PKIG: variants seen among roughly 807,000 people sequenced by gnomAD.
PKIG encodes cAMP-dependent protein kinase inhibitor gamma.
In PKIG, 1 loss-of-function variant was observed where a neutral mutation model predicts 6.8. The ratio of observed to expected loss-of-function variants is 0.15; its 90% confidence interval spans 0.05 to 0.69. PKIG has a LOEUF of 0.69. Among genes scored for constraint, PKIG ranks in the 30% least tolerant of loss-of-function variants. The pLI is 0.82. For synonymous variants in PKIG, 39 were observed against 43.0 expected (o/e 0.91, Z 0.36); for missense variants, 77 against 104.0 (o/e 0.74, Z 1.13).
At chr20:44,618,217 T>C (rs1170963893) in intron 3 of PKIG, 68 bp from the exon 4 acceptor site, 3 of 1,057,668 alleles carry the variant, frequency 2.8e-6, no homozygotes, top group Non-Finnish European at 4.5e-6. Context: ...CTGGGCCCTT[T>C]CACACCTCCT....
intron 2 of PKIG, among the ~76,000 whole-genome samples, chr20:44,607,756 C>G (rs552207427): frequency 3.2e-4 from 49 of 150,776 alleles, no homozygotes; most frequent in African/African-American, 1.1e-3. Flanking sequence ...ACGATCTCGG[C>G]TCACTGCAAG....
intron 1 of PKIG, among the ~76,000 whole-genome samples, chr20:44,544,515 G>C (rs182419927): frequency 6.6e-6 from 1 of 152,290 alleles, no homozygotes; most frequent in African/African-American, 2.4e-5. Flanking sequence ...GTTTCACCAT[G>C]CTTATCACAC....
At chr20:44,532,256 C>T (rs992485976) in intron 1 of PKIG, among the ~76,000 whole-genome samples, 1 of 152,148 alleles carries the variant, frequency 6.6e-6, no homozygotes, top group African/African-American at 2.4e-5. Context: ...GTTTGGGGGC[C>T]AGAAAATAAC....
chr20:44,569,492 C>T (rs116617485), intron 1 of PKIG, among the ~76,000 whole-genome samples: 4,072 of 152,150 alleles, frequency 0.027, 198 homozygotes, highest in Admixed American at 0.14. Context: ...CTTCTGAAAG[C>T]GGTTTGTTTT....
intron 1 of PKIG, among the ~76,000 whole-genome samples, chr20:44,545,155 C>G (rs941196854): frequency 6.6e-6 from 1 of 151,908 alleles, no homozygotes; most frequent in African/African-American, 2.4e-5. Flanking sequence ...AGGCCAGTCT[C>G]GAACTCCTGA....
chr20:44,561,323 C>T (rs1028172402), intron 1 of PKIG, among the ~76,000 whole-genome samples: 1 of 151,600 alleles, frequency 6.6e-6, no homozygotes, highest in Admixed American at 6.6e-5. Context: ...GGTGACAGTG[C>T]GAGACTCCGT....
intron 1 of PKIG, among the ~76,000 whole-genome samples, chr20:44,588,506 C>G (rs535948506): frequency 6.6e-6 from 1 of 152,168 alleles, no homozygotes; most frequent in East Asian, 1.9e-4. Context: ...TAGCCGGGCG[C>G]GGTGGCACGC....
At chr20:44,606,168 A>G (rs1239913410) in intron 2 of PKIG, among the ~76,000 whole-genome samples, 1 of 152,196 alleles carries the variant, frequency 6.6e-6, no homozygotes, top group Non-Finnish European at 1.5e-5. Flanking sequence ...CTACAAATCA[A>G]TAAGAAAAAG....
At chr20:44,575,051 A>G (rs1004084336) in intron 1 of PKIG, among the ~76,000 whole-genome samples, 3 of 151,484 alleles carry the variant, frequency 2.0e-5, no homozygotes, top group African/African-American at 7.3e-5. Context: ...TTCTTGACTC[A>G]TCAGTTTTTT....
At chr20:44,601,801 T>A (rs2065123573) in intron 2 of PKIG, among the ~76,000 whole-genome samples, 2 of 152,240 alleles carry the variant, frequency 1.3e-5, no homozygotes, top group African/African-American at 4.8e-5. Context: ...GAAATGACCT[T>A]TCTAGTATAT....
chr20:44,557,071 G>A (rs531684399), intron 1 of PKIG, among the ~76,000 whole-genome samples: 37 of 152,092 alleles, frequency 2.4e-4, no homozygotes, highest in South Asian at 1.2e-3. Flanking sequence ...TATTAAGGTC[G>A]TATATAAATA....
chr20:44,556,024 A>G (rs1244430280), intron 1 of PKIG, among the ~76,000 whole-genome samples: 1 of 152,010 alleles, frequency 6.6e-6, no homozygotes, highest in Non-Finnish European at 1.5e-5. Flanking sequence ...TATTTTTAGT[A>G]GAGGCAGGGT....
intron 3 of PKIG, among the ~76,000 whole-genome samples, chr20:44,616,286 T>C (rs1270842522): frequency 6.6e-6 from 1 of 152,188 alleles, no homozygotes; most frequent in Non-Finnish European, 1.5e-5. Context: ...CTGAGCATAA[T>C]GGCCCTGCTC....
intron 1 of PKIG, among the ~76,000 whole-genome samples, chr20:44,563,214 A>T (rs184042091): frequency 6.6e-6 from 1 of 152,324 alleles, no homozygotes; most frequent in East Asian, 1.9e-4. Context: ...CCTGACAGTG[A>T]CATTATGAGA....
intron 1 of PKIG, among the ~76,000 whole-genome samples, chr20:44,566,734 T>G (rs751489405): frequency 1.1e-4 from 16 of 152,208 alleles, no homozygotes; most frequent in Non-Finnish European, 2.2e-4. Context: ...TAATCCCAGC[T>G]ACTCGGGAGG....
chr20:44,617,969 G>A (rs912916315), intron 3 of PKIG, among the ~76,000 whole-genome samples: 1 of 151,628 alleles, frequency 6.6e-6, no homozygotes, highest in Admixed American at 6.6e-5. Context: ...CTTAACATCT[G>A]GCCTCTCCCT....
At chr20:44,551,979 C>T (rs1390634851) in intron 1 of PKIG, among the ~76,000 whole-genome samples, 8 of 152,258 alleles carry the variant, frequency 5.3e-5, no homozygotes, top group East Asian at 3.9e-4. Flanking sequence ...GTATTGGAAT[C>T]GGCTAGGAAA....
At chr20:44,579,062 A>G (rs2064925237), upstream of PKIG, among the ~76,000 whole-genome samples, 1 of 152,236 alleles carries the variant, frequency 6.6e-6, no homozygotes, top group Non-Finnish European at 1.5e-5. Context: ...TAAATATACA[A>G]TAATAGTTTT....
chr20:44,577,217 C>T lies in PKIG; in HGVS notation c.-240-5368C>T, dbSNP rs73615489. Among the ~76,000 whole-genome samples the T allele has an allele frequency of 6.3e-3, 952 of 152,188 alleles. 11 individuals are homozygous for T. In the East Asian group the frequency reaches 0.065, roughly 10 times the overall value. ...CTCTGCCTCCCAGGTTCAAGCAATT[C>T]TCCTGCCTCAGCCTCCCGAGTAGCT... On this transcript the variant is annotated intron_variant, in intron 1 of 4. Coordinates refer to the PKIG transcript ENST00000372887.
Sources: allele counts gnomAD v4.1 joint callset (sites outside exome capture counted in the v4.1 genomes callset), GRCh38; gene constraint gnomAD v4.1.1; transcripts MANE v1.5; gene names NCBI Gene and HGNC (gene_info 2026-07-23, HGNC 2026-07-21).